ABR: variants seen among roughly 807,000 people sequenced by gnomAD.
ABR encodes the protein ABR activator of RhoGEF and GTPase, also known as active breakpoint cluster region-related protein.
A neutral mutation model predicts 107.2 loss-of-function variants in ABR; 35 were observed. That is an observed-to-expected ratio of 0.33 (90% CI 0.25 to 0.43). The LOEUF is 0.43. Ranked by LOEUF, ABR falls within the 20% of genes least tolerant of loss-of-function variation. The probability of loss-of-function intolerance (pLI) is 1.00; values close to 1 mark genes in which losing one functional copy is unlikely to be tolerated. For synonymous variants in ABR, 498 were observed against 462.0 expected (o/e 1.08, Z -1.00); for missense variants, 815 against 1,115.2 (o/e 0.73, Z 3.83).
rs757193320 is a variant in ABR at position 1,010,820 on chromosome 17, G to A, written c.2145C>T (p.Asn715=). The change falls in exon 20 of 23, where the codon AAC becomes AAT. Residue 715 remains asparagine (N), a synonymous_variant. Coordinates refer to ENST00000302538, the MANE Select transcript of ABR (RefSeq NM_021962.5). The surrounding 1 kb of genome is among the most constrained non-coding windows in gnomAD (Gnocchi z 4.1). ...ILLMLSDMDI[N]AIAGTLKLYF... ...ACAGCTTGAGCGTCCCGGCGATGGC[G>A]TTGATGTCCATGTCACTCAGCATCA... 1.8e-5 allele frequency: 29 copies of A among 1,613,776 alleles called. No individual in the cohort carries two copies. Among genetic ancestry groups the A allele is most frequent in the African/African-American group, 4.0e-5 (3 of 74,902 alleles).
At chr17:1,177,459 T>A (rs544183288) in intron 1 of ABR, among the ~76,000 whole-genome samples, 1 of 152,296 alleles carries the variant, frequency 6.6e-6, no homozygotes, top group African/African-American at 2.4e-5. Context: ...TCTGCCTGAA[T>A]CAGGGCTGCC....
intron 17 of ABR, 24 bp downstream of exon 17, chr17:1,013,081 T>G: frequency 6.2e-7 from 1 of 1,613,314 alleles, no homozygotes; most frequent in Non-Finnish European, 8.5e-7. Flanking sequence ...CTCACGCCAC[T>G]GATCATTCCC....
intron 13 of ABR, 65 bp from the exon 14 acceptor site, chr17:1,056,174 G>A: frequency 7.1e-7 from 1 of 1,400,228 alleles, no homozygotes; most frequent in Non-Finnish European, 1.0e-6. Flanking sequence ...TCCACCCCAG[G>A]CCGGCGGGAG....
chr17:1,216,861 CCAA>C (rs2043020035), intron 1 of ABR, among the ~76,000 whole-genome samples: 2 of 152,180 alleles, frequency 1.3e-5, no homozygotes, highest in Admixed American at 1.3e-4. Flanking sequence ...ACAAAGGTTA[CCAA>C]CAAGCTCGGC....
At chr17:1,155,010 GC>G (rs1460075678) in intron 1 of ABR, 1 of 151,884 alleles carries the variant, frequency 6.6e-6, no homozygotes. Context: ...CTTCCCGGGC[GC>G]CCTGGGGGCC....
At chr17:1,221,750 G>C (rs772572327) in intron 1 of ABR, among the ~76,000 whole-genome samples, 4 of 152,144 alleles carry the variant, frequency 2.6e-5, no homozygotes, top group Non-Finnish European at 5.9e-5. Context: ...AAGGATCTGC[G>C]TAGAAAACAG....
intron 1 of ABR, among the ~76,000 whole-genome samples, chr17:1,156,505 G>A (rs567992464): frequency 1.3e-5 from 2 of 152,208 alleles, no homozygotes; most frequent in Non-Finnish European, 2.9e-5. Flanking sequence ...CCAACGTGGT[G>A]AAAACTCGTC....
At chr17:1,195,676 C>T (rs2042546088) in intron 1 of ABR, among the ~76,000 whole-genome samples, 1 of 151,114 alleles carries the variant, frequency 6.6e-6, no homozygotes, top group South Asian at 2.1e-4. Flanking sequence ...TGGTGGTGGG[C>T]GCCTGTAGTC....
chr17:1,058,902 C>T, intron 10 of ABR, 35 bp from the exon 11 acceptor site: 2 of 1,612,080 alleles, frequency 1.2e-6, no homozygotes, highest in Non-Finnish European at 1.7e-6. Flanking sequence ...GTTCCCCTCA[C>T]ACTCGGGCCT....
At chr17:1,194,372 T>C (rs2042504639) in intron 1 of ABR, among the ~76,000 whole-genome samples, 1 of 151,680 alleles carries the variant, frequency 6.6e-6, no homozygotes, top group Admixed American at 6.6e-5. Flanking sequence ...TTTTGTTTTG[T>C]ATTTTTAGTA....
At position 1,179,637 on chromosome 17, in the gene ABR, TG is replaced by T; in HGVS notation, c.61+29del. ...CATCCTGGGGTCCCGATCCCGATCC[TG>T]GGGTCCCGCCCCCGCCCGGCACACG... On this transcript the variant is annotated intron_variant, in intron 1 of 22. Transcript: ENST00000302538. This position sits in a 1 kb window ranked among gnomAD's most constrained non-coding sequence, Gnocchi z 4.9. 6.7e-7 allele frequency: 1 copy of T among 1,500,984 alleles called. No individual in the cohort carries two copies. The highest frequency in any genetic ancestry group is 2.2e-5 in the Admixed American group (1 of 46,268). 93.0% of individuals were successfully genotyped at this position (1,500,984 alleles called of 1,614,324 possible).
intron 14 of ABR, among the ~76,000 whole-genome samples, chr17:1,054,910 G>A (rs1203862235): frequency 6.6e-6 from 1 of 152,144 alleles, no homozygotes; most frequent in Non-Finnish European, 1.5e-5. Context: ...GTGAAGAGCA[G>A]GGAGTGGGAG....
At chr17:1,184,625 A>G (rs549542532), upstream of ABR, among the ~76,000 whole-genome samples, 44 of 151,370 alleles carry the variant, frequency 2.9e-4, 2 homozygotes, top group South Asian at 7.6e-3. Flanking sequence ...AATAATGCAC[A>G]TTGAACAAAT....
intron 4 of ABR, among the ~76,000 whole-genome samples, chr17:1,086,413 T>G (rs2036593981): frequency 6.6e-6 from 1 of 152,022 alleles, no homozygotes; most frequent in South Asian, 2.1e-4. Flanking sequence ...AAAACGAACA[T>G]GGGTTGAACT....
intron 1 of ABR, among the ~76,000 whole-genome samples, chr17:1,151,434 C>A (rs897190357): frequency 9.2e-5 from 14 of 152,336 alleles, no homozygotes; most frequent in East Asian, 5.8e-4. Context: ...TGGTCAGTGT[C>A]CAGCCCTGCC....
intron 1 of ABR, among the ~76,000 whole-genome samples, chr17:1,147,049 C>T (rs763216345): frequency 7.9e-5 from 12 of 152,262 alleles, no homozygotes; most frequent in Non-Finnish European, 1.6e-4. Flanking sequence ...CATGGAAGGC[C>T]GTACTGTCTG....
intron 1 of ABR, chr17:1,125,605 T>C (rs2039564687): frequency 8.1e-6 from 3 of 369,754 alleles, no homozygotes; most frequent in Non-Finnish European, 1.4e-5. Context: ...GCGGCTCTGC[T>C]GTTGCTACCC....
At chr17:1,091,594 C>T (rs1165867311) in intron 4 of ABR, 71 bp downstream of exon 4, 8 of 1,539,176 alleles carry the variant, frequency 5.2e-6, no homozygotes, top group East Asian at 2.2e-5. Context: ...CGGTCCTCTC[C>T]TGAGGCTCCT....
At chr17:1,191,354 C>CTTTTTTTTTT (rs761910557), upstream of ABR, among the ~76,000 whole-genome samples, 2 of 96,490 alleles carry the variant, frequency 2.1e-5, no homozygotes, top group Non-Finnish European at 2.0e-5. Context: ...TTTTTCTTTT[C>CTTTTTTTTTT]TTTTTTTTTT....
Sources: allele counts gnomAD v4.1 joint callset (sites outside exome capture counted in the v4.1 genomes callset), GRCh38; gene constraint gnomAD v4.1.1; non-coding constraint Gnocchi (gnomAD v3.1); transcripts MANE v1.5; gene names NCBI Gene and HGNC (gene_info 2026-07-23, HGNC 2026-07-21).